SPAG16: variants seen among roughly 807,000 people sequenced by gnomAD.
SPAG16 encodes the protein sperm associated antigen 16.
In SPAG16, 86 loss-of-function variants were observed where a neutral mutation model predicts 80.4. The ratio of observed to expected loss-of-function variants is 1.07; its 90% CI spans 0.90 to 1.28. SPAG16 has a LOEUF of 1.28. Among genes scored for constraint, SPAG16 ranks in the 50% most tolerant of loss-of-function variants. The pLI is 0.00. For synonymous variants in SPAG16, 294 were observed against 265.9 expected (o/e 1.11, Z -1.03); for missense variants, 870 against 765.3 (o/e 1.14, Z -1.61).
intron 11 of SPAG16, among the ~76,000 whole-genome samples, chr2:213,887,677 G>C (rs2076614821): frequency 6.6e-6 from 1 of 151,258 alleles, no homozygotes; most frequent in Non-Finnish European, 1.5e-5. Flanking sequence ...AAATAATATA[G>C]AGTATGACTA....
chr2:213,516,219 A>C (rs925723866), intron 10 of SPAG16, among the ~76,000 whole-genome samples: 6 of 152,320 alleles, frequency 3.9e-5, no homozygotes, highest in East Asian at 1.9e-4. Flanking sequence ...ATTACACTCT[A>C]GAATTCACAT....
At chr2:214,405,520 G>A (rs1701947429) in intron 15 of SPAG16, among the ~76,000 whole-genome samples, 1 of 152,176 alleles carries the variant, frequency 6.6e-6, no homozygotes, top group Admixed American at 6.5e-5. Flanking sequence ...TCAAGGCTGG[G>A]CACAGTGGCT....
chr2:213,539,639 ATTTAGTGC>A (rs1299820715), intron 10 of SPAG16, among the ~76,000 whole-genome samples: 1 of 152,234 alleles, frequency 6.6e-6, no homozygotes, highest in African/African-American at 2.4e-5. Context: ...TGCTACAAGA[ATTTAGTGC>A]TTCACTGTGT....
At chr2:214,369,217 A>G (rs1392678911) in intron 15 of SPAG16, among the ~76,000 whole-genome samples, 1 of 151,998 alleles carries the variant, frequency 6.6e-6, no homozygotes, top group East Asian at 1.9e-4. Context: ...TTCCTTTATC[A>G]TGGGCACACC....
chr2:213,454,203 T>G (rs1384658689), intron 9 of SPAG16, among the ~76,000 whole-genome samples: 1 of 152,158 alleles, frequency 6.6e-6, no homozygotes, highest in African/African-American at 2.4e-5. Context: ...TATAATAGTT[T>G]TATTTAATAG....
chr2:214,093,543 ATGTG>A (rs1276848805), intron 13 of SPAG16, among the ~76,000 whole-genome samples: 1 of 151,772 alleles, frequency 6.6e-6, no homozygotes, highest in African/African-American at 2.4e-5. Context: ...GTGTCCATGT[ATGTG>A]TATGTATCTT....
intron 15 of SPAG16, among the ~76,000 whole-genome samples, chr2:214,285,305 G>A (rs886877354): frequency 6.6e-6 from 1 of 151,972 alleles, no homozygotes; most frequent in Non-Finnish European, 1.5e-5. Context: ...GTTGCTCATT[G>A]TTTAATCAGA....
intron 10 of SPAG16, among the ~76,000 whole-genome samples, chr2:213,579,389 C>G (rs2060228613): frequency 6.6e-6 from 1 of 152,104 alleles, no homozygotes; most frequent in African/African-American, 2.4e-5. Flanking sequence ...AAGAAACTTT[C>G]TCTCCTGTTT....
chr2:213,575,251 G>C (rs999643835), intron 10 of SPAG16, among the ~76,000 whole-genome samples: 1 of 152,090 alleles, frequency 6.6e-6, no homozygotes, highest in African/African-American at 2.4e-5. Context: ...GAATGCATTA[G>C]TTTAAATAAC....
intron 9 of SPAG16, among the ~76,000 whole-genome samples, chr2:213,469,558 G>A (rs750502977): frequency 2.1e-5 from 3 of 141,530 alleles, no homozygotes; most frequent in Non-Finnish European, 4.6e-5. Context: ...CCTTCAGCAA[G>A]CACCTCAGCA....
At chr2:214,085,092 G>A (rs1185516097) in intron 13 of SPAG16, among the ~76,000 whole-genome samples, 3 of 152,104 alleles carry the variant, frequency 2.0e-5, no homozygotes, top group African/African-American at 7.2e-5. Flanking sequence ...AATAGAGAAG[G>A]TAAGTCCAAG....
Position 213,976,249 on chromosome 2 carries a change from C to T in SPAG16, c.1401-37702C>T, listed in dbSNP as rs139602569. On this transcript the variant is annotated intron_variant, in intron 12 of 15. Coordinates refer to ENST00000331683, the MANE Select transcript of SPAG16 (RefSeq NM_024532.5). ...ACATATATACACGTGTGTATACATA[C>T]GTGTATATACACACATATACATATG... Among the ~76,000 whole-genome samples the T allele has an allele frequency of 2.1e-4, 31 of 149,752 alleles. No individual in the cohort carries two copies. The East Asian group carries it at 3.6e-3, about 17-fold the overall frequency.
intron 10 of SPAG16, among the ~76,000 whole-genome samples, chr2:213,552,692 C>T: frequency 6.6e-6 from 1 of 152,062 alleles, no homozygotes; most frequent in Non-Finnish European, 1.5e-5. Flanking sequence ...CTGGGTGTGT[C>T]TGTGAGGGTG....
intron 15 of SPAG16, among the ~76,000 whole-genome samples, chr2:214,383,000 T>TCA (rs1002197039): frequency 6.6e-6 from 1 of 151,058 alleles, no homozygotes; most frequent in African/African-American, 2.4e-5. Context: ...TGCCCCTGCC[T>TCA]CACTCTCCTG....
intron 10 of SPAG16, among the ~76,000 whole-genome samples, chr2:213,557,366 T>C (rs2059456901): frequency 6.6e-6 from 1 of 152,114 alleles, no homozygotes; most frequent in Admixed American, 6.6e-5. Context: ...GCTTTGAAAG[T>C]TGGAAAATTG....
chr2:214,409,834 T>C lies in SPAG16; in HGVS notation c.1721-306T>C, dbSNP rs1011628137. On this transcript the variant is annotated intron_variant, in intron 15 of 15. Transcript: ENST00000331683. ...CATAGTTGCTTTCAATCTCATCTCC[T>C]CGAAATGCTTTATTAATCACAAATA... Among the ~76,000 whole-genome samples, 158 of 152,316 alleles carry C rather than the reference T, an allele frequency of 1.0e-3. 1 individual carries two copies. Among genetic ancestry groups the C allele is most frequent in the South Asian group, 8.3e-4 (4 of 4,826 alleles).
intron 13 of SPAG16, among the ~76,000 whole-genome samples, chr2:214,099,967 C>T (rs577319754): frequency 1.7e-4 from 26 of 152,078 alleles, no homozygotes; most frequent in Non-Finnish European, 2.9e-4. Flanking sequence ...TATGGTTTGG[C>T]TCTGAGTCTC....
At chr2:214,226,817 C>T (rs1256235016) in intron 15 of SPAG16, among the ~76,000 whole-genome samples, 2 of 152,038 alleles carry the variant, frequency 1.3e-5, no homozygotes, top group Non-Finnish European at 2.9e-5. Context: ...TGGAGCTGAT[C>T]CCCTGGCTCT....
intron 9 of SPAG16, among the ~76,000 whole-genome samples, chr2:213,391,437 A>G (rs1252620810): frequency 1.3e-5 from 2 of 152,176 alleles, no homozygotes; most frequent in East Asian, 1.9e-4. Flanking sequence ...TAGAGTATGA[A>G]TTAGTTTGAA....
Sources: gnomAD v4.1 joint callset for allele counts (sites outside exome capture counted in the v4.1 genomes callset) on GRCh38, gnomAD v4.1.1 for gene constraint, MANE v1.5 for transcripts, NCBI Gene and HGNC (gene_info 2026-07-23, HGNC 2026-07-21) for gene names.